PARP4: variants seen among roughly 807,000 people sequenced by gnomAD.
The protein encoded by PARP4 is protein mono-ADP-ribosyltransferase PARP4.
A neutral mutation model predicts 187.7 loss-of-function variants in PARP4; 120 were observed. That is an observed-to-expected ratio of 0.64 (90% CI 0.55 to 0.74). The LOEUF (loss-of-function observed/expected upper bound fraction) is 0.74, where lower values mean the gene tolerates loss of function less well. PARP4 is among the 30% of genes least tolerant of loss of function. PARP4 has a pLI of 0.00. For missense variants in PARP4, 1,836 were observed against 2,070.5 expected, an observed-to-expected ratio of 0.89 and a Z score of 2.20; for synonymous variants, 654 against 740.9, an observed-to-expected ratio of 0.88 and a Z score of 1.90.
intron 2 of PARP4, 106 bp downstream of exon 2, chr13:24,503,539 A>C (rs1593657094): frequency 2.3e-6 from 3 of 1,318,820 alleles, no homozygotes. Context: ...CGAGTAGCTC[A>C]CTCACTCTCT....
At chr13:24,463,791 G>A (rs866713520) in intron 17 of PARP4, among the ~76,000 whole-genome samples, 1 of 152,054 alleles carries the variant, frequency 6.6e-6, no homozygotes, top group East Asian at 1.9e-4. Flanking sequence ...TGGAAGTTCC[G>A]GCCAGGGCAC....
chr13:24,494,578 G>A lies in PARP4; in HGVS notation c.736C>T (p.Gln246Ter). The A allele has an allele frequency of 6.2e-7, 1 of 1,603,374 alleles. No homozygotes were observed. Among genetic ancestry groups the A allele is most frequent in the South Asian group, 1.1e-5 (1 of 87,676 alleles). The change falls in exon 7 of 34, where the codon CAA becomes TAA. Residue 246 changes from glutamine (Q) to a stop codon, truncating the protein, a stop_gained. Coordinates refer to ENST00000381989, the MANE Select transcript of PARP4 (RefSeq NM_006437.4). LOFTEE classifies it high-confidence loss of function. ...EATQLASEQL[Q>*]ALLLEEVMNS... is the part of the protein sequence containing the mutation. ...AAATTATAAATCAATCTCACTGCTT[G>A]CAATTGTTCAGATGCTAATTGGGTT...
At chr13:24,435,505 G>C in intron 30 of PARP4, 31 bp from the exon 31 acceptor site, 1 of 1,531,310 alleles carries the variant, frequency 6.5e-7, no homozygotes, top group Non-Finnish European at 8.7e-7. Context: ...TTAACGTAAG[G>C]GGAAAACACA....
chr13:24,466,682 C>T (rs1249385167), intron 17 of PARP4, among the ~76,000 whole-genome samples: 5 of 150,744 alleles, frequency 3.3e-5, no homozygotes, highest in African/African-American at 1.2e-4. Flanking sequence ...TTAGTCCTAG[C>T]TACTTGGGAG....
intron 24 of PARP4, among the ~76,000 whole-genome samples, chr13:24,451,249 G>T (rs1871502247): frequency 6.6e-6 from 1 of 152,220 alleles, no homozygotes; most frequent in Non-Finnish European, 1.5e-5. Flanking sequence ...TGCACAGGCT[G>T]CCCTGAGCGC....
intron 1 of PARP4, 147 bp downstream of exon 1, chr13:24,512,559 C>G (rs927733466): frequency 6.6e-6 from 1 of 152,286 alleles, no homozygotes; most frequent in African/African-American, 2.4e-5. Flanking sequence ...CTAGTCCACT[C>G]CCGAGCCTAG....
intron 5 of PARP4, among the ~76,000 whole-genome samples, chr13:24,498,751 GAA>G (rs5802285): frequency 0.015 from 2,165 of 147,874 alleles, 21 homozygotes; most frequent in Middle Eastern, 0.034. Context: ...CATTTGTGGG[GAA>G]AAAAAAAAAG....
intron 33 of PARP4, among the ~76,000 whole-genome samples, chr13:24,426,243 C>G (rs1235165707): frequency 6.6e-6 from 1 of 152,024 alleles, no homozygotes; most frequent in East Asian, 1.9e-4. Context: ...GCGGGAGCTG[C>G]ACTGAAACTC....
intron 9 of PARP4, among the ~76,000 whole-genome samples, chr13:24,491,399 G>A (rs1467414161): frequency 6.6e-6 from 1 of 152,158 alleles, no homozygotes; most frequent in Admixed American, 6.5e-5. Flanking sequence ...GCTTACAGGC[G>A]TGAGCCACCA....
chr13:24,482,221 A>G (rs1052354131), intron 12 of PARP4, among the ~76,000 whole-genome samples: 1 of 152,232 alleles, frequency 6.6e-6, no homozygotes, highest in African/African-American at 2.4e-5. Flanking sequence ...GTTGCTTCTT[A>G]TGAGTGAAGA....
intron 15 of PARP4, among the ~76,000 whole-genome samples, chr13:24,474,039 T>C (rs1334664434): frequency 3.3e-5 from 5 of 152,176 alleles, no homozygotes; most frequent in Non-Finnish European, 7.4e-5. Context: ...TGGTCCTATG[T>C]AGTCACAAGA....
chr13:24,456,290 T>C (rs1871848154), intron 21 of PARP4, 51 bp downstream of exon 21: 1 of 1,464,560 alleles, frequency 6.8e-7, no homozygotes, highest in Non-Finnish European at 9.3e-7. Flanking sequence ...CAGCTTATTC[T>C]GAAACATTTT....
intron 20 of PARP4, 126 bp downstream of exon 20, chr13:24,458,915 CAGG>C: frequency 1.5e-6 from 1 of 688,126 alleles, no homozygotes; most frequent in Non-Finnish European, 2.6e-6. Context: ...GAATCAGGGG[CAGG>C]AGTAGTGCTT....
intron 15 of PARP4, among the ~76,000 whole-genome samples, chr13:24,474,893 C>T (rs1283982179): frequency 8.5e-5 from 13 of 152,124 alleles, no homozygotes; most frequent in African/African-American, 2.9e-4. Flanking sequence ...CTGACTCAGT[C>T]CCCATGCACT....
At chr13:24,440,107 G>T (rs954348165) in intron 30 of PARP4, among the ~76,000 whole-genome samples, 2 of 152,092 alleles carry the variant, frequency 1.3e-5, no homozygotes, top group African/African-American at 4.8e-5. Flanking sequence ...ATACAAAAGG[G>T]TGCACTGTAA....
At chr13:24,460,908 T>C (rs4506757) in intron 17 of PARP4, among the ~76,000 whole-genome samples, 33,983 of 151,922 alleles carry the variant, frequency 0.22, 4,089 homozygotes, top group African/African-American at 0.31. Context: ...CTCAAGTGAC[T>C]CTTCCACCTT....
Position 24,426,562 on chromosome 13 carries a change from G to C in PARP4, c.4883C>G (p.Ala1628Gly). The change falls in exon 33 of 34, where the codon GCC becomes GGC. Residue 1628 changes from alanine (A) to glycine (G), a missense_variant. By Grantham distance (60) the Ala-to-Gly change is moderately conservative. Transcript: ENST00000381989. ...KGRECLLDLIATMLVLQFIRT... is the reference protein window; with the variant it reads ...KGRECLLDLIGTMLVLQFIRT... ...AATAAACTGTAGTACCAGCATTGTG[G>C]CAATTAGGTCCAGGAGACATTCTCT... The C allele has an allele frequency of 6.2e-7, 1 of 1,612,226 alleles. No individual in the cohort carries two copies. The highest frequency in any genetic ancestry group is 8.5e-7 in the Non-Finnish European group (1 of 1,178,994).
intron 12 of PARP4, 43 bp downstream of exon 12, chr13:24,484,610 G>C (rs1566013551): frequency 1.9e-5 from 24 of 1,282,696 alleles, no homozygotes; most frequent in Non-Finnish European, 2.7e-5. Context: ...AAAATACACA[G>C]CAAGTATTCA....
In PARP4 at chr13:24,450,876, A is replaced by AT. The variant is rs113412617; in HGVS notation, c.3015-1060dup. Among the ~76,000 whole-genome samples the AT allele has an allele frequency of 5.3e-3, 795 of 150,582 alleles. 9 individuals carry two copies. Among genetic ancestry groups the AT allele is most frequent in the African/African-American group, 0.018 (739 of 41,060 alleles). ...CCCGTCACATGCCTTACATTTTTCA[A>AT]TTTTTTTTTTATTTTTAAAGATGGG... is the stretch of plus-strand genomic sequence containing the variant. On this transcript the variant is annotated intron_variant, in intron 24 of 33. Coordinates refer to ENST00000381989, the MANE Select transcript of PARP4 (RefSeq NM_006437.4).
Sources: gnomAD v4.1 joint callset for allele counts (sites outside exome capture counted in the v4.1 genomes callset) on GRCh38, gnomAD v4.1.1 for gene constraint, MANE v1.5 for transcripts, NCBI Gene and HGNC (gene_info 2026-07-23, HGNC 2026-07-21) for gene names.